MORC1: variants seen among roughly 807,000 people sequenced by gnomAD.
MORC1 encodes MORC family CW-type zinc finger protein 1.
MORC1 carries 59 observed loss-of-function variants against 134.9 expected under a neutral mutation model. The observed-to-expected ratio is 0.44, with a 90% CI of 0.35 to 0.54. The LOEUF (loss-of-function observed/expected upper bound fraction) is 0.54, where lower values mean the gene tolerates loss of function less well. Among genes scored for constraint, MORC1 ranks in the 20% least tolerant of loss-of-function variants. MORC1 has a pLI of 0.00. For synonymous variants in MORC1, 395 were observed against 391.7 expected, an observed-to-expected ratio of 1.01 and a Z score of -0.10; for missense variants, 947 against 1,134.5, an observed-to-expected ratio of 0.83 and a Z score of 2.37.
intron 20 of MORC1, among the ~76,000 whole-genome samples, chr3:109,004,245 C>G (rs1289046387): frequency 6.6e-6 from 1 of 152,144 alleles, no homozygotes; most frequent in Non-Finnish European, 1.5e-5. Context: ...GAGCCTATAG[C>G]AGTTCATTTG....
At chr3:108,984,957 TATAATGTTTTAAA>T (rs1158342952) in intron 22 of MORC1, among the ~76,000 whole-genome samples, 175 bp from the exon 23 acceptor site, 1 of 152,238 alleles carries the variant, frequency 6.6e-6, no homozygotes, top group Non-Finnish European at 1.5e-5. Flanking sequence ...TAAGGTAGTT[TATAATGTTTTAAA>T]ATAAAGTTTA....
Position 109,076,783 on chromosome 3 carries a change from C to T in MORC1, c.690-7026G>A, listed in dbSNP as rs149419511. Among the ~76,000 whole-genome samples, 33 of 152,026 alleles carry T rather than the reference C, an allele frequency of 2.2e-4. No individual in the cohort carries two copies. The East Asian group carries it at 3.7e-3, about 17-fold the overall frequency. On this transcript the variant is annotated intron_variant, in intron 8 of 27. Transcript: ENST00000232603. ...ATAAGTGGGAGCTGGACAATGAGAACGCATGGACACAGGGAGGGGAACATC... is the reference window on the plus strand; with the variant it reads ...ATAAGTGGGAGCTGGACAATGAGAATGCATGGACACAGGGAGGGGAACATC...
At chr3:108,979,155 G>C (rs1373106670) in intron 24 of MORC1, among the ~76,000 whole-genome samples, 1 of 151,990 alleles carries the variant, frequency 6.6e-6, no homozygotes, top group Non-Finnish European at 1.5e-5. Flanking sequence ...AATAAGTTCA[G>C]TATCCAAGAC....
intron 14 of MORC1, among the ~76,000 whole-genome samples, chr3:109,046,569 C>T (rs762614258): frequency 3.9e-5 from 6 of 152,144 alleles, no homozygotes; most frequent in Non-Finnish European, 8.8e-5. Flanking sequence ...TCTACTAGAA[C>T]TCTCCTTACT....
chr3:108,997,740 C>T (rs956751208), intron 21 of MORC1, among the ~76,000 whole-genome samples: 1 of 151,954 alleles, frequency 6.6e-6, no homozygotes, highest in Non-Finnish European at 1.5e-5. Context: ...AAATATGAAT[C>T]TGGAAAGTAA....
intron 1 of MORC1, among the ~76,000 whole-genome samples, chr3:109,117,331 CA>C (rs202128565): frequency 0.012 from 1,405 of 113,586 alleles, 16 homozygotes; most frequent in African/African-American, 0.042. Flanking sequence ...CAAAAGATGT[CA>C]AAAAAAAAAA....
At chr3:109,047,745 C>A (rs1949725536) in intron 14 of MORC1, among the ~76,000 whole-genome samples, 1 of 152,126 alleles carries the variant, frequency 6.6e-6, no homozygotes, top group African/African-American at 2.4e-5. Context: ...CAAAGCAATT[C>A]TTTAGCAGTA....
chr3:109,041,266 G>A (rs902819379), intron 14 of MORC1, among the ~76,000 whole-genome samples: 1 of 151,716 alleles, frequency 6.6e-6, no homozygotes, highest in Non-Finnish European at 1.5e-5. Flanking sequence ...AGCCGAGATC[G>A]CGCCACTGCA....
rs529386481 is a variant in MORC1, at chr3:109,015,470, C to A, written c.1705-8379G>T. Among the ~76,000 whole-genome samples, 9 of 152,306 alleles carry A rather than the reference C, an allele frequency of 5.9e-5. No homozygotes were observed. The South Asian group carries it at 1.9e-3, about 32-fold the overall frequency. On this transcript the variant is annotated intron_variant, in intron 17 of 27. Coordinates refer to ENST00000232603, the MANE Select transcript of MORC1 (RefSeq NM_014429.4). ...TCCCACCCATCTGAGTTCTGCTCAT[C>A]TTCTTTAATTCTATCACATGCTACT...
At chr3:109,109,061 T>C (rs34427425) in intron 3 of MORC1, among the ~76,000 whole-genome samples, 1 of 152,278 alleles carries the variant, frequency 6.6e-6, no homozygotes, top group East Asian at 1.9e-4. Context: ...CTCAGCATTG[T>C]TCCCTGAGTG....
intron 20 of MORC1, among the ~76,000 whole-genome samples, chr3:109,001,211 C>T (rs940982048): frequency 6.6e-6 from 1 of 152,034 alleles, no homozygotes; most frequent in Non-Finnish European, 1.5e-5. Context: ...TGGCTCACTG[C>T]AACCTCCACC....
intron 17 of MORC1, among the ~76,000 whole-genome samples, chr3:109,024,310 A>G (rs77615352): frequency 0.017 from 2,550 of 152,278 alleles, 71 homozygotes; most frequent in African/African-American, 0.058. Context: ...ATTATTTTTA[A>G]CTTTTTTGGA....
intron 14 of MORC1, among the ~76,000 whole-genome samples, chr3:109,043,687 C>T (rs1337278884): frequency 6.6e-6 from 1 of 152,178 alleles, no homozygotes; most frequent in Non-Finnish European, 1.5e-5. Context: ...TCCATGAGCA[C>T]TGCACTTTTC....
chr3:109,094,475 T>C (rs1435438751), intron 7 of MORC1, among the ~76,000 whole-genome samples: 1 of 152,198 alleles, frequency 6.6e-6, no homozygotes, highest in African/African-American at 2.4e-5. Flanking sequence ...GATCTGTTAA[T>C]CTGGAGAAGA....
intron 21 of MORC1, among the ~76,000 whole-genome samples, chr3:108,993,407 C>T (rs960631866): frequency 1.2e-4 from 18 of 152,124 alleles, no homozygotes; most frequent in African/African-American, 4.3e-4. Context: ...TCTCTCCGTA[C>T]GTTTGCTGGA....
At position 109,032,805 on chromosome 3, in the gene MORC1, C is replaced by T. The variant is rs943167069; in HGVS notation, c.1480G>A (p.Val494Ile). 8 of 1,598,544 alleles carry T rather than the reference C, an allele frequency of 5.0e-6. No individual in the cohort carries two copies. The highest frequency in any genetic ancestry group is 1.3e-5 in the African/African-American group (1 of 74,292). ...TGATAATTAGTAGAGGAAGGCAAGA[C>T]TCTCCATTTAAGACAAAGATCTGAC... ...IQCDLCLKWR[V>I]LPSSTNYQEK... The change falls in exon 16 of 28, where the codon GTC becomes ATC. Residue 494 changes from valine to isoleucine, a missense_variant. Transcript: ENST00000232603.
chr3:109,078,208 A>G (rs1278445633), intron 8 of MORC1, among the ~76,000 whole-genome samples: 2 of 152,118 alleles, frequency 1.3e-5, no homozygotes, highest in Non-Finnish European at 2.9e-5. Flanking sequence ...TTGAATACTT[A>G]ATTAAAATAT....
intron 24 of MORC1, among the ~76,000 whole-genome samples, chr3:108,972,344 C>T (rs1947410508): frequency 6.6e-6 from 1 of 152,114 alleles, no homozygotes; most frequent in African/African-American, 2.4e-5. Flanking sequence ...AAGGGATTTG[C>T]AAAATTTTTC....
At chr3:109,011,967 C>A (rs1184454130) in intron 17 of MORC1, among the ~76,000 whole-genome samples, 1 of 152,142 alleles carries the variant, frequency 6.6e-6, no homozygotes, top group African/African-American at 2.4e-5. Context: ...TGATGAGGTA[C>A]AATTTAAAAA....
Sources: gnomAD v4.1 joint callset for allele counts (sites outside exome capture counted in the v4.1 genomes callset) on GRCh38, gnomAD v4.1.1 for gene constraint, MANE v1.5 for transcripts, NCBI Gene and HGNC (gene_info 2026-07-23, HGNC 2026-07-21) for gene names.